The following GABRQ variants were observed in gnomAD, a reference collection of about 807,000 sequenced individuals.
The protein encoded by GABRQ is gamma-aminobutyric acid receptor subunit theta.
Under a neutral mutation model 30.5 loss-of-function variants are expected in GABRQ, and 19 were observed. That is an observed-to-expected ratio of 0.62 (90% CI 0.43 to 0.91). The LOEUF (loss-of-function observed/expected upper bound fraction) is 0.91, where lower values mean the gene tolerates loss of function less well. GABRQ is among the 40% of genes least tolerant of loss of function. The pLI is 0.00. For missense variants in GABRQ, 520 were observed against 521.4 expected (o/e 1.00, Z 0.03); for synonymous variants, 187 against 210.2 (o/e 0.89, Z 0.95).
In GABRQ at chrX:152,656,663, G is replaced by C. The variant is rs1769791686; in HGVS notation, c.*3382G>C. ...GGACTTCAAAGTCTTTGCATATTTA[G>C]AGCTGAGTTTTGCTGAGACTGTGGC... On this transcript the variant is annotated 3_prime_UTR_variant, in exon 9 of 9. Transcript: ENST00000598523. 8.9e-6 allele frequency: 1 copy of C among 112,500 alleles called. No individual in the cohort carries two copies. The highest frequency in any genetic ancestry group is 1.9e-5 in the Non-Finnish European group (1 of 53,336). 9.3% of individuals were successfully genotyped at this position (112,500 alleles called of 1,213,427 possible). A position where few individuals can be genotyped will look rare whatever the true frequency, so the allele number is the denominator to read the frequency against.
chrX:152,649,641 A>G (rs782063507), intron 5 of GABRQ, 101 bp from the exon 6 acceptor site: 1 of 643,249 alleles, frequency 1.6e-6, no homozygotes, highest in East Asian at 3.3e-5. Flanking sequence ...ACTGTTGGGA[A>G]AGTGTGTGCA....
At chrX:152,639,496 A>G (rs372551564) in intron 1 of GABRQ, among the ~76,000 whole-genome samples, 67 of 111,888 alleles carry the variant, frequency 6.0e-4, no homozygotes, top group African/African-American at 2.1e-3. Context: ...CTGATTCGCA[A>G]GCCCTGTTGG....
chrX:152,657,322 C>T lies in GABRQ; in HGVS notation c.*4041C>T, dbSNP rs2124922277. On this transcript the variant is annotated 3_prime_UTR_variant, in exon 9 of 9. Coordinates refer to ENST00000598523, the MANE Select transcript of GABRQ (RefSeq NM_018558.4). ...GACCTGGATGTCCTGGACGACCTGA[C>T]CCAAAAAGGGGCACAAAGCAGCAGA... 9.0e-6 allele frequency: 1 copy of T among 111,646 alleles called. No individual in the cohort carries two copies. Among genetic ancestry groups the T allele is most frequent in the South Asian group, 3.8e-4 (1 of 2,624 alleles). The allele number at this position is 111,646 out of a possible 1,213,427, so 9.2% of individuals were successfully genotyped here. A position where few individuals can be genotyped will look rare whatever the true frequency, so the allele number is the denominator to read the frequency against.
chrX:152,640,853 C>T (rs1419804483), intron 2 of GABRQ, among the ~76,000 whole-genome samples: 1 of 111,237 alleles, frequency 9.0e-6, no homozygotes, highest in Non-Finnish European at 1.9e-5. Flanking sequence ...ATTCTTCACA[C>T]CCTGGGCACT....
At chrX:152,649,155 G>C in intron 4 of GABRQ, 96 bp from the exon 5 acceptor site, 1 of 592,939 alleles carries the variant, frequency 1.7e-6, no homozygotes. Flanking sequence ...CAGTCCTTGG[G>C]ATAACTCTTC....
chrX:152,651,714 C>T lies in GABRQ; in HGVS notation c.1090C>T (p.Arg364Ter), dbSNP rs367579214. The T allele has an allele frequency of 1.5e-5, 18 of 1,209,198 alleles. No homozygotes were observed. In the East Asian group the frequency reaches 1.8e-4, roughly 12 times the overall value. ...TCGAGGACCTCGGCGCCAGCCTAGG[C>T]GACACAGGAGACCCCGAAGAGTCAT... Reference protein sequence around the residue: ...YSRGPRRQPRRHRRPRRVIAR... With the variant: ...YSRGPRRQPR Residue 364 changes from arginine (R) to a stop codon, truncating the protein, a stop_gained, in exon 8 of 9, where the codon CGA becomes TGA. Transcript: ENST00000598523. LOFTEE classifies it high-confidence loss of function.
Position 152,655,573 on chromosome X carries a change from C to G in GABRQ, c.*2292C>G, listed in dbSNP as rs781959846. 2.7e-5 allele frequency: 3 copies of G among 112,303 alleles called. No individual in the cohort carries two copies. The highest frequency in any genetic ancestry group is 5.6e-5 in the Non-Finnish European group (3 of 53,310). 9.3% of individuals were successfully genotyped at this position (112,303 alleles called of 1,213,427 possible). A position where few individuals can be genotyped will look rare whatever the true frequency, so the allele number is the denominator to read the frequency against. Reference sequence around the variant, plus strand: ...ATACACACACACAAATCTTGTACGACAGTTGAAAACAAGAAAGTTACCACT... The same window carrying G: ...ATACACACACACAAATCTTGTACGAGAGTTGAAAACAAGAAAGTTACCACT... On this transcript the variant is annotated 3_prime_UTR_variant, in exon 9 of 9. Transcript: ENST00000598523.
chrX:152,651,438 A>G lies in GABRQ; in HGVS notation c.902-88A>G, dbSNP rs1265997255. 5 of 785,950 alleles carry G rather than the reference A, an allele frequency of 6.4e-6. No homozygotes were observed. In the African/African-American group the frequency reaches 8.3e-5, roughly 13 times the overall value. The allele number at this position is 785,950 out of a possible 1,213,427, so 64.8% of individuals were successfully genotyped here. On this transcript the variant is annotated intron_variant, in intron 7 of 8. Coordinates refer to ENST00000598523, the MANE Select transcript of GABRQ (RefSeq NM_018558.4). ...AAGGCCTTTGCTGTGGGCCCTCCTCACCCCAAATATGTTTGGGTGGGGGCC... is the reference window on the plus strand; with the variant it reads ...AAGGCCTTTGCTGTGGGCCCTCCTCGCCCCAAATATGTTTGGGTGGGGGCC...
intron 3 of GABRQ, 47 bp from the exon 4 acceptor site, chrX:152,646,901 C>A (rs368733169): frequency 1.1e-6 from 1 of 903,223 alleles, no homozygotes; most frequent in Non-Finnish European, 1.6e-6. Context: ...AAGGATGGAG[C>A]TCTGGACAAC....
rs1038765240 is a variant in GABRQ at position 152,648,502 on chromosome X, A to C, written c.528-749A>C. On this transcript the variant is annotated intron_variant, in intron 4 of 8. Transcript: ENST00000598523. ...GCCTCAGCCTCCCCAGTAGCTGGGAATACAGGTGAGTGCCGCCACACCCAG... is the reference window on the plus strand; with the variant it reads ...GCCTCAGCCTCCCCAGTAGCTGGGACTACAGGTGAGTGCCGCCACACCCAG... 6.4e-5 allele frequency among the ~76,000 whole-genome samples: 7 copies of C among 109,110 alleles called. No homozygotes were observed. The Admixed American group carries it at 6.8e-4, about 11-fold the overall frequency. 94.7% of individuals were successfully genotyped at this position (109,110 alleles called of 115,157 possible).
intron 4 of GABRQ, among the ~76,000 whole-genome samples, chrX:152,648,960 T>C (rs1044755646): frequency 4.4e-5 from 5 of 112,559 alleles, no homozygotes; most frequent in Admixed American, 9.3e-5. Flanking sequence ...TTTCTCTTGC[T>C]AGCCTCACTC....
At chrX:152,643,953 T>A (rs182109943) in intron 2 of GABRQ, among the ~76,000 whole-genome samples, 137 of 111,441 alleles carry the variant, frequency 1.2e-3, no homozygotes, top group African/African-American at 4.4e-3. Flanking sequence ...ATTTATTCAC[T>A]TTAACACACA....
At chrX:152,647,704 G>C (rs1556819451) in intron 4 of GABRQ, among the ~76,000 whole-genome samples, 2 of 111,182 alleles carry the variant, frequency 1.8e-5, no homozygotes. Flanking sequence ...TGTGTGGCAT[G>C]GGTCTCTGGT....
At chrX:152,640,174 G>GT (rs1207075779) in intron 1 of GABRQ, among the ~76,000 whole-genome samples, 79 of 110,731 alleles carry the variant, frequency 7.1e-4, no homozygotes, top group African/African-American at 2.5e-3. Flanking sequence ...GGAAGGTGGG[G>GT]GGGGGAGGAA....
rs781893243 is a variant in GABRQ, at chrX:152,649,847, C to T, written c.716C>T (p.Thr239Met). 37 of 1,198,318 alleles carry T rather than the reference C, an allele frequency of 3.1e-5. No homozygotes were observed. The Admixed American group carries it at 3.9e-4, about 13-fold the overall frequency. ...HIPQFTFLGR[T>M]ITSKEVYFYT... ...CCTCAGTTCACTTTCCTGGGAAGGA[C>T]GATTACTAGCAAGGAGGTGTATTTC... Residue 239 changes from threonine to methionine, a missense_variant, in exon 6 of 9, where the codon ACG (threonine) becomes ATG (methionine). Transcript: ENST00000598523.
In GABRQ at chrX:152,655,490, G is replaced by T. The variant is rs147230225; in HGVS notation, c.*2209G>T. ...AGAGGAACATGTTTCGGGGTAACAG[G>T]CTGGGGAGTGAGGCTGAAAGAGGCA... On this transcript the variant is annotated 3_prime_UTR_variant, in exon 9 of 9. Transcript: ENST00000598523. The T allele has an allele frequency of 7.5e-4, 85 of 112,880 alleles. No homozygotes were observed. The highest frequency in any genetic ancestry group is 4.6e-3 in the Middle Eastern group (1 of 218). 9.3% of individuals were successfully genotyped at this position (112,880 alleles called of 1,213,427 possible). A position where few individuals can be genotyped will look rare whatever the true frequency, so the allele number is the denominator to read the frequency against.
At chrX:152,640,731 G>T (rs886476175) in intron 2 of GABRQ, among the ~76,000 whole-genome samples, 1 of 111,955 alleles carries the variant, frequency 8.9e-6, no homozygotes, top group African/African-American at 3.3e-5. Flanking sequence ...AGGTGTGGCT[G>T]GCAAAGAGCT....
At chrX:152,651,881 C>T (rs782550623) in intron 8 of GABRQ, 99 bp downstream of exon 8, 44 of 795,837 alleles carry the variant, frequency 5.5e-5, no homozygotes, top group Non-Finnish European at 7.3e-5. Flanking sequence ...TTTAAATACG[C>T]GCACCCACAC....
rs199649217 is a variant in GABRQ at position 152,652,764 on chromosome X, G to A, written c.1382G>A (p.Arg461Gln). ...CTCCCCTCCACCTCAGAGCAGGCCCGGCACAGCTATGGTGTTCGCTTTAAT... is the reference window on the plus strand; with the variant it reads ...CTCCCCTCCACCTCAGAGCAGGCCCAGCACAGCTATGGTGTTCGCTTTAAT... ...SDLPSTSEQA[R>Q]HSYGVRFNGF... Residue 461 changes from arginine to glutamine, a missense_variant, in exon 9 of 9, where the codon CGG becomes CAG. Arg to Gln is a conservative substitution (Grantham distance 43). Transcript: ENST00000598523. The A allele has an allele frequency of 2.0e-5, 24 of 1,210,423 alleles. No homozygotes were observed. The Admixed American group carries it at 3.5e-4, about 18-fold the overall frequency.
Sources: gnomAD v4.1 joint callset for allele counts (sites outside exome capture counted in the v4.1 genomes callset) on GRCh38, gnomAD v4.1.1 for gene constraint, MANE v1.5 for transcripts, NCBI Gene and HGNC (gene_info 2026-07-23, HGNC 2026-07-21) for gene names.